The following AK5 variants were observed in gnomAD, a reference collection of about 807,000 sequenced individuals.
AK5 encodes adenylate kinase isoenzyme 5.
Under a neutral mutation model 69.5 loss-of-function variants are expected in AK5, and 27 were observed. The ratio of observed to expected loss-of-function variants is 0.39; its 90% CI spans 0.29 to 0.54. AK5 has a LOEUF of 0.54. AK5 is among the 20% of genes least tolerant of loss of function. The pLI is 0.71. For missense variants in AK5, 531 were observed against 700.4 expected (o/e 0.76, Z 2.73); for synonymous variants, 260 against 244.4 (o/e 1.06, Z -0.60).
At chr1:77,336,084 C>CA (rs1661343434) in intron 5 of AK5, among the ~76,000 whole-genome samples, 1 of 44,220 alleles carries the variant, frequency 2.3e-5, no homozygotes, top group Non-Finnish European at 5.2e-5. Context: ...ATCTTATAAC[C>CA]CTTTTTTTTT....
intron 6 of AK5, among the ~76,000 whole-genome samples, chr1:77,375,497 T>C (rs1647209066): frequency 6.6e-6 from 1 of 152,148 alleles, no homozygotes; most frequent in Non-Finnish European, 1.5e-5. Context: ...GTGCTGATGC[T>C]CCATGCCCCA....
rs535449706 is a variant in AK5, at chr1:77,348,456, A to G, written c.891+7888A>G. On this transcript the variant is annotated intron_variant, in intron 6 of 13. Transcript: ENST00000354567. The stretch of plus-strand genomic sequence containing the variant: ...GCATAGTAACATGGCACATGTATAC[A>G]TATGTAACAAACCTGCATGTTGTGC... 2.6e-5 allele frequency among the ~76,000 whole-genome samples: 4 copies of G among 152,252 alleles called. No individual in the cohort carries two copies. The East Asian group carries it at 7.7e-4, about 29-fold the overall frequency.
chr1:77,541,907 C>T (rs866963087), intron 13 of AK5, among the ~76,000 whole-genome samples: 18 of 152,326 alleles, frequency 1.2e-4, no homozygotes, highest in Middle Eastern at 3.4e-3. Flanking sequence ...TAGCTGTGGA[C>T]AGGCAGCTGG....
At chr1:77,447,099 C>G (rs1317133217) in intron 8 of AK5, among the ~76,000 whole-genome samples, 1 of 152,206 alleles carries the variant, frequency 6.6e-6, no homozygotes, top group Non-Finnish European at 1.5e-5. Context: ...CCAGCTTTCC[C>G]CAAAGACTGA....
At chr1:77,384,929 G>T (rs1647899494) in intron 6 of AK5, among the ~76,000 whole-genome samples, 1 of 152,150 alleles carries the variant, frequency 6.6e-6, no homozygotes. Context: ...TATAGTGGAA[G>T]TACATCGCCT....
chr1:77,337,039 ATTT>A (rs1170754901), intron 5 of AK5, among the ~76,000 whole-genome samples: 2 of 152,284 alleles, frequency 1.3e-5, no homozygotes, highest in East Asian at 3.9e-4. Context: ...CTGAAGTTGC[ATTT>A]ATTGATCAAA....
intron 8 of AK5, among the ~76,000 whole-genome samples, chr1:77,423,829 G>GAA (rs35473006): frequency 8.7e-5 from 13 of 149,404 alleles, no homozygotes; most frequent in South Asian, 4.3e-4. Context: ...CGTGGGAGGA[G>GAA]AAAAAAAAAA....
intron 10 of AK5, among the ~76,000 whole-genome samples, chr1:77,494,487 G>A (rs1197647040): frequency 6.6e-6 from 1 of 152,114 alleles, no homozygotes; most frequent in African/African-American, 2.4e-5. Context: ...TCCAAGTTCT[G>A]TGTACCCTTG....
chr1:77,541,316 CAG>C (rs1244883165), intron 13 of AK5, among the ~76,000 whole-genome samples: 1 of 152,078 alleles, frequency 6.6e-6, no homozygotes, highest in African/African-American at 2.4e-5. Flanking sequence ...CACAGCCACT[CAG>C]GGGACTAAGG....
chr1:77,307,595 T>C (rs1659713630), intron 5 of AK5, among the ~76,000 whole-genome samples: 2 of 152,194 alleles, frequency 1.3e-5, no homozygotes. Flanking sequence ...TTAGATGAAA[T>C]GCTCTGTAAA....
chr1:77,340,356 AT>A lies in AK5; in HGVS notation c.700-18del, dbSNP rs773808813. The A allele has an allele frequency of 6.2e-7, 1 of 1,602,358 alleles. No individual in the cohort carries two copies. Among genetic ancestry groups the A allele is most frequent in the Non-Finnish European group, 8.5e-7 (1 of 1,171,970 alleles). ...TAGTTGGTATGTTGAATGCCTCTCT[AT>A]TTGTTGATGCTCTCCACAGATCTGT... is the stretch of plus-strand genomic sequence containing the variant. On this transcript the variant is annotated intron_variant, in intron 5 of 13. Transcript: ENST00000354567.
At chr1:77,532,601 G>C (rs575132481) in intron 12 of AK5, among the ~76,000 whole-genome samples, 2 of 152,210 alleles carry the variant, frequency 1.3e-5, no homozygotes, top group South Asian at 2.1e-4. Flanking sequence ...CATACTTCCC[G>C]GCAAGAGCGC....
At chr1:77,429,831 A>G (rs573573038) in intron 8 of AK5, among the ~76,000 whole-genome samples, 1 of 152,302 alleles carries the variant, frequency 6.6e-6, no homozygotes, top group East Asian at 1.9e-4. Flanking sequence ...ACAGGAAAGA[A>G]CTGGGGAGAA....
At chr1:77,554,474 G>A (rs1659975044) in intron 13 of AK5, among the ~76,000 whole-genome samples, 1 of 152,164 alleles carries the variant, frequency 6.6e-6, no homozygotes, top group Non-Finnish European at 1.5e-5. Flanking sequence ...AGGAAACTGA[G>A]GCCCCAAGAG....
chr1:77,508,696 G>A (rs1006228612), intron 10 of AK5, among the ~76,000 whole-genome samples: 3 of 151,938 alleles, frequency 2.0e-5, no homozygotes, highest in African/African-American at 4.8e-5. Flanking sequence ...GCAAAACCCC[G>A]TCTCTACTAA....
At chr1:77,488,786 C>T (rs941269210) in intron 10 of AK5, among the ~76,000 whole-genome samples, 1 of 152,156 alleles carries the variant, frequency 6.6e-6, no homozygotes, top group African/African-American at 2.4e-5. Context: ...ATTGTGCCCA[C>T]CAGATTAAGA....
chr1:77,284,718 C>T (rs1658252145), intron 1 of AK5, among the ~76,000 whole-genome samples: 2 of 152,138 alleles, frequency 1.3e-5, no homozygotes, highest in African/African-American at 4.8e-5. Context: ...TATTCAAGGT[C>T]TCAAAGGGTT....
chr1:77,488,050 A>G (rs972067302), intron 10 of AK5, among the ~76,000 whole-genome samples: 9 of 152,194 alleles, frequency 5.9e-5, no homozygotes, highest in Admixed American at 5.2e-4. Flanking sequence ...AGAATGTAAC[A>G]TTTAAGCAGA....
At chr1:77,468,691 A>G (rs1654294018) in intron 8 of AK5, among the ~76,000 whole-genome samples, 1 of 152,166 alleles carries the variant, frequency 6.6e-6, no homozygotes, top group African/African-American at 2.4e-5. Flanking sequence ...TGGCTCTTCC[A>G]TCTATTTGTG....
Sources: gnomAD v4.1 joint callset for allele counts (sites outside exome capture counted in the v4.1 genomes callset) on GRCh38, gnomAD v4.1.1 for gene constraint, MANE v1.5 for transcripts, NCBI Gene and HGNC (gene_info 2026-07-23, HGNC 2026-07-21) for gene names.